The following SHISA9 variants were observed in gnomAD, a reference collection of about 807,000 sequenced individuals.
The protein encoded by SHISA9 is shisa family member 9.
Under a neutral mutation model 38.0 loss-of-function variants are expected in SHISA9, and 13 were observed. The ratio of observed to expected loss-of-function variants is 0.34; its 90% CI spans 0.22 to 0.54. SHISA9 has a LOEUF of 0.54. SHISA9 is among the 20% of genes least tolerant of loss of function. The pLI is 0.91. For synonymous variants in SHISA9, 275 were observed against 242.0 expected (o/e 1.14, Z -1.27); for missense variants, 538 against 575.8 (o/e 0.93, Z 0.67).
intron 1 of SHISA9, chr16:12,911,257 G>GT: frequency 1.0e-6 from 1 of 985,202 alleles, no homozygotes; most frequent in Non-Finnish European, 1.2e-6. Flanking sequence ...TGGATGCACC[G>GT]TAACATCTGA....
At chr16:13,543,625 C>T in the SHISA9 span, among the ~76,000 whole-genome samples, 40 of 152,096 alleles carry the variant, frequency 2.6e-4, no homozygotes, top group African/African-American at 8.7e-4. Flanking sequence ...ACCAGTGATG[C>T]TCAAGTGTTC....
At chr16:13,160,816 G>A (rs1424352579) in intron 2 of SHISA9, among the ~76,000 whole-genome samples, 5 of 152,080 alleles carry the variant, frequency 3.3e-5, no homozygotes, top group Admixed American at 2.0e-4. Flanking sequence ...GGAGAGAAGC[G>A]GTGATGTTGC....
At chr16:13,308,479 G>A in the SHISA9 span, among the ~76,000 whole-genome samples, 16 of 152,130 alleles carry the variant, frequency 1.1e-4, no homozygotes, top group Non-Finnish European at 2.4e-4. Flanking sequence ...GAAAATAGAT[G>A]GAGACAATGT....
At chr16:13,065,326 C>T (rs1171504335) in intron 2 of SHISA9, among the ~76,000 whole-genome samples, 6 of 152,194 alleles carry the variant, frequency 3.9e-5, no homozygotes, top group Middle Eastern at 3.2e-3. Context: ...CTCCTTACCC[C>T]TATGTGAGGT....
At chr16:12,926,323 A>T (rs1313973524) in intron 2 of SHISA9, among the ~76,000 whole-genome samples, 1 of 152,160 alleles carries the variant, frequency 6.6e-6, no homozygotes, top group East Asian at 1.9e-4. Context: ...GAATTGCAGT[A>T]TTAGACTACA....
chr16:13,081,626 TA>T (rs2141936249), intron 2 of SHISA9, among the ~76,000 whole-genome samples: 1 of 152,178 alleles, frequency 6.6e-6, no homozygotes, highest in African/African-American at 2.4e-5. Flanking sequence ...TATCACCAGA[TA>T]ATCAGAGCGC....
chr16:13,082,791 G>C (rs890857032), intron 2 of SHISA9, among the ~76,000 whole-genome samples: 3 of 152,180 alleles, frequency 2.0e-5, no homozygotes, highest in Non-Finnish European at 4.4e-5. Flanking sequence ...GGGGGCTGAA[G>C]TCTCTTGCCC....
At chr16:13,042,938 G>A (rs577950985) in intron 2 of SHISA9, among the ~76,000 whole-genome samples, 203 of 152,214 alleles carry the variant, frequency 1.3e-3, no homozygotes, top group African/African-American at 4.7e-3. Flanking sequence ...TAATTCAAGG[G>A]GCATATTAGT....
chr16:13,386,459 T>G, the SHISA9 span, among the ~76,000 whole-genome samples: 1 of 152,182 alleles, frequency 6.6e-6, no homozygotes, highest in African/African-American at 2.4e-5. Flanking sequence ...TCAGTAGCCT[T>G]GAGGGAGTAA....
chr16:13,268,919 C>T, the SHISA9 span, among the ~76,000 whole-genome samples: 2 of 152,130 alleles, frequency 1.3e-5, no homozygotes, highest in Non-Finnish European at 2.9e-5. Context: ...ATATGTACAG[C>T]TTTATCATGT....
the SHISA9 span, among the ~76,000 whole-genome samples, chr16:13,295,683 C>A: frequency 1.3e-5 from 2 of 152,094 alleles, no homozygotes; most frequent in Non-Finnish European, 2.9e-5. Flanking sequence ...AGGTGCCAAC[C>A]AGCTGTGATT....
chr16:13,255,054 A>T, the SHISA9 span, among the ~76,000 whole-genome samples: 1 of 151,950 alleles, frequency 6.6e-6, no homozygotes. Context: ...ATCTAATAAC[A>T]CTGCAGACTT....
At chr16:13,221,378 G>C (rs566620881) in intron 4 of SHISA9, among the ~76,000 whole-genome samples, 1 of 150,994 alleles carries the variant, frequency 6.6e-6, no homozygotes, top group Non-Finnish European at 1.5e-5. Flanking sequence ...TGCTGAGACA[G>C]CCTCTGGAAT....
At chr16:13,550,925 C>G in the SHISA9 span, among the ~76,000 whole-genome samples, 6 of 152,034 alleles carry the variant, frequency 3.9e-5, no homozygotes, top group Non-Finnish European at 5.9e-5. Flanking sequence ...CGTTCGAGAC[C>G]AGCCTGGCCA....
chr16:12,910,700 A>G lies in SHISA9; in HGVS notation c.564-5988A>G, dbSNP rs2071171028. ...CTGAACTGGGTGGAAGGCTATCAAG[A>G]AAAAGCTTAGCTTCTTCTTCAGGTA... On this transcript the variant is annotated intron_variant, in intron 1 of 4. Coordinates refer to ENST00000558583, the MANE Select transcript of SHISA9 (RefSeq NM_001145204.3). The G allele has an allele frequency of 1.0e-5, 10 of 985,462 alleles. No individual in the cohort carries two copies. In the South Asian group the frequency reaches 1.9e-4, roughly 19 times the overall value. 61.0% of individuals were successfully genotyped at this position (985,462 alleles called of 1,614,324 possible). A position where few individuals can be genotyped will look rare whatever the true frequency, so the allele number is the denominator to read the frequency against.
At chr16:13,526,671 C>G in the SHISA9 span, among the ~76,000 whole-genome samples, 1 of 152,222 alleles carries the variant, frequency 6.6e-6, no homozygotes, top group African/African-American at 2.4e-5. Context: ...CAGGCATGAA[C>G]TACCAGGCCC....
rs557520322 is a variant in SHISA9, at chr16:12,962,131, G to A, written c.691+45316G>A. ...CTCCAGTCGATGCGAAGGCACTGCT[G>A]TCCACTGCCTGGCCATCATGTGCTG... On this transcript the variant is annotated intron_variant, in intron 2 of 4. Transcript: ENST00000558583. Among the ~76,000 whole-genome samples the A allele has an allele frequency of 2.6e-5, 4 of 152,330 alleles. No individual in the cohort carries two copies. In the South Asian group the frequency reaches 8.3e-4, roughly 32 times the overall value.
chr16:13,473,612 T>C, the SHISA9 span, among the ~76,000 whole-genome samples: 1 of 152,260 alleles, frequency 6.6e-6, no homozygotes, highest in Admixed American at 6.5e-5. Flanking sequence ...ACACTCTTCA[T>C]TAAGCTGTCA....
the SHISA9 span, among the ~76,000 whole-genome samples, chr16:13,505,354 T>C: frequency 2.0e-5 from 3 of 152,210 alleles, no homozygotes; most frequent in Non-Finnish European, 4.4e-5. Flanking sequence ...TATATTCTTA[T>C]TGATCACCTC....
Sources: allele counts gnomAD v4.1 joint callset (sites outside exome capture counted in the v4.1 genomes callset), GRCh38; gene constraint gnomAD v4.1.1; transcripts MANE v1.5; gene names NCBI Gene and HGNC (gene_info 2026-07-23, HGNC 2026-07-21).